Variants in TTC23 observed in about 807,000 individuals in gnomAD.
The protein encoded by TTC23 is tetratricopeptide repeat protein 23.
Under a neutral mutation model 55.1 loss-of-function variants are expected in TTC23, and 58 were observed. The observed-to-expected ratio is 1.05, with a 90% CI of 0.85 to 1.31. TTC23 has a LOEUF of 1.31. Among genes scored for constraint, TTC23 ranks in the 50% most tolerant of loss-of-function variants. TTC23 has a pLI of 0.00. For missense variants in TTC23, 516 were observed against 534.4 expected (o/e 0.97, Z 0.34); for synonymous variants, 203 against 199.9 (o/e 1.02, Z -0.13).
intron 9 of TTC23, among the ~76,000 whole-genome samples, chr15:99,191,479 C>T (rs1419111280): frequency 1.3e-5 from 2 of 152,166 alleles, no homozygotes; most frequent in African/African-American, 2.4e-5. Context: ...CTGTGTCTTT[C>T]CCTGCTGTTC....
rs1284741328 is a variant in TTC23 at position 99,175,078 on chromosome 15, A to C, written c.837T>G (p.Ala279=). The C allele has an allele frequency of 1.2e-6, 2 of 1,614,206 alleles. No individual in the cohort carries two copies. The highest frequency in any genetic ancestry group is 2.2e-5 in the South Asian group (2 of 91,082). ...ADSAHIVAHA[A]VASGRHEHHD... ...GGTGCTCGTGTCTCCCTGAAGCGACAGCAGCATGGGCGACGATGTGTGCCG... is the reference window on the plus strand; with the variant it reads ...GGTGCTCGTGTCTCCCTGAAGCGACCGCAGCATGGGCGACGATGTGTGCCG... Residue 279 remains alanine (A), a synonymous_variant, in exon 10 of 14, where the codon GCT becomes GCG. Coordinates refer to ENST00000394132, the MANE Select transcript of TTC23 (RefSeq NM_001288615.3).
intron 8 of TTC23, among the ~76,000 whole-genome samples, chr15:99,203,909 T>C (rs73463384): frequency 0.011 from 1,715 of 152,264 alleles, 43 homozygotes; most frequent in African/African-American, 0.039. Flanking sequence ...TTGACACTTA[T>C]GTTGAGTCCT....
At chr15:99,218,473 C>A in intron 8 of TTC23, 115 bp downstream of exon 8, 2 of 1,367,566 alleles carry the variant, frequency 1.5e-6, no homozygotes, top group Non-Finnish European at 2.0e-6. Flanking sequence ...ACACAGTGAC[C>A]TCCAGAGAAG....
At chr15:99,248,840 G>A (rs1246925095) in intron 1 of TTC23, among the ~76,000 whole-genome samples, 1 of 151,970 alleles carries the variant, frequency 6.6e-6, no homozygotes, top group Non-Finnish European at 1.5e-5. Context: ...ATGATTGCTG[G>A]ATTTTTTTGA....
chr15:99,231,061 A>G (rs2078892464), intron 4 of TTC23, among the ~76,000 whole-genome samples: 1 of 152,238 alleles, frequency 6.6e-6, no homozygotes, highest in Non-Finnish European at 1.5e-5. Context: ...GTAGTGATAC[A>G]GTAGCTGTCG....
chr15:99,250,449 G>A (rs889804762), upstream of TTC23, among the ~76,000 whole-genome samples: 7 of 152,126 alleles, frequency 4.6e-5, no homozygotes, highest in African/African-American at 1.4e-4. Context: ...AAAGTTCCTT[G>A]ACAAGGAGCC....
In TTC23 at chr15:99,175,085, T is replaced by C. The variant is rs1158300217; in HGVS notation, c.830A>G (p.His277Arg). The C allele has an allele frequency of 1.2e-6, 2 of 1,614,048 alleles. No individual in the cohort carries two copies. The highest frequency in any genetic ancestry group is 1.7e-6 in the Non-Finnish European group (2 of 1,180,040). Residue 277 changes from histidine to arginine, a missense_variant, in exon 10 of 14, where the codon CAT becomes CGT. By Grantham distance (29) the His-to-Arg change is conservative. Coordinates refer to ENST00000394132, the MANE Select transcript of TTC23 (RefSeq NM_001288615.3). ...GTGTCTCCCTGAAGCGACAGCAGCA[T>C]GGGCGACGATGTGTGCCGAGTCTGC... ...EAADSAHIVA[H>R]AAVASGRHEH...
intron 11 of TTC23, chr15:99,161,195 C>T (rs931431189): frequency 6.6e-6 from 1 of 152,286 alleles, no homozygotes; most frequent in Non-Finnish European, 1.5e-5. Flanking sequence ...TATGTACACA[C>T]ACACACATAT....
chr15:99,208,690 T>A (rs965606108), intron 8 of TTC23, among the ~76,000 whole-genome samples: 1 of 151,418 alleles, frequency 6.6e-6, no homozygotes, highest in African/African-American at 2.4e-5. Context: ...ACTATTCACA[T>A]AAAAGAAAAG....
At chr15:99,151,470 C>T (rs2006670) in intron 12 of TTC23, 11,524 of 152,340 alleles carry the variant, frequency 0.076, 678 homozygotes, top group East Asian at 0.28. Context: ...GAAGACATTG[C>T]CATGAGAGAT....
chr15:99,164,893 G>A (rs542558301), intron 10 of TTC23, among the ~76,000 whole-genome samples: 1 of 152,320 alleles, frequency 6.6e-6, no homozygotes, highest in East Asian at 1.9e-4. Flanking sequence ...ATGGGAAAGA[G>A]AGCAGGCTCT....
intron 12 of TTC23, among the ~76,000 whole-genome samples, chr15:99,150,038 G>A (rs895068940): frequency 6.6e-6 from 1 of 152,214 alleles, no homozygotes. Context: ...GGATAAGTGA[G>A]GAGGGGGAAG....
intron 10 of TTC23, among the ~76,000 whole-genome samples, chr15:99,170,401 C>T (rs2072752968): frequency 6.6e-6 from 1 of 152,262 alleles, no homozygotes; most frequent in East Asian, 1.9e-4. Flanking sequence ...TAATTATTTT[C>T]TTCAAAAATC....
In TTC23 at chr15:99,187,452, C is replaced by CAAAAAAAAAAAAAAAAAAAAAA. The variant is rs66568931; in HGVS notation, c.760-12298_760-12297insTTTTTTTTTTTTTTTTTTTTTT. ...GGAGATGTGATGCCAAAAGCACAAG[C>CAAAAAAAAAAAAAAAAAAAAAA]AAAAAAAAAAAAAAAACAAAACAAA... On this transcript the variant is annotated intron_variant, in intron 9 of 13. Transcript: ENST00000394132. Among the ~76,000 whole-genome samples, 58 of 44,432 alleles carry CAAAAAAAAAAAAAAAAAAAAAA rather than the reference C, an allele frequency of 1.3e-3. 5 individuals carry two copies. The highest frequency in any genetic ancestry group is 1.8e-3 in the African/African-American group (18 of 10,174). The allele number at this position is 44,432 out of a possible 152,430, so 29.1% of individuals were successfully genotyped here. A position where few individuals can be genotyped will look rare whatever the true frequency, so the allele number is the denominator to read the frequency against.
At chr15:99,247,707 T>C (rs1482440432) in intron 1 of TTC23, among the ~76,000 whole-genome samples, 1 of 152,160 alleles carries the variant, frequency 6.6e-6, no homozygotes, top group African/African-American at 2.4e-5. Flanking sequence ...AAACCAGGAC[T>C]TGCCTGCAAA....
In TTC23 at chr15:99,218,886, G is replaced by A; in HGVS notation, c.455+12C>T. 3.1e-6 allele frequency: 5 copies of A among 1,609,098 alleles called. No homozygotes were observed. Among genetic ancestry groups the A allele is most frequent in the Non-Finnish European group, 4.2e-6 (5 of 1,177,492 alleles). On this transcript the variant is annotated intron_variant, in intron 7 of 13. Coordinates refer to ENST00000394132, the MANE Select transcript of TTC23 (RefSeq NM_001288615.3). ...GTATTTCTATTTGTAAAAGTTAGAG[G>A]CAAAAGGATACTTTTGAAGGGAGAG...
chr15:99,181,581 CT>C (rs1338888484), intron 9 of TTC23, among the ~76,000 whole-genome samples: 1 of 152,150 alleles, frequency 6.6e-6, no homozygotes, highest in Non-Finnish European at 1.5e-5. Context: ...CATAGCTTGC[CT>C]TTTCACCCTG....
chr15:99,209,808 C>G (rs1184389465), intron 8 of TTC23, among the ~76,000 whole-genome samples: 1 of 152,174 alleles, frequency 6.6e-6, no homozygotes, highest in Non-Finnish European at 1.5e-5. Flanking sequence ...GATCTTTGCT[C>G]ACTGCAACCT....
intron 3 of TTC23, among the ~76,000 whole-genome samples, chr15:99,239,389 G>A (rs1466986600): frequency 2.6e-5 from 4 of 152,174 alleles, no homozygotes; most frequent in Admixed American, 2.0e-4. Flanking sequence ...GGAGGCTGAG[G>A]CAGGAGAATC....
Sources: allele counts gnomAD v4.1 joint callset (sites outside exome capture counted in the v4.1 genomes callset), GRCh38; gene constraint gnomAD v4.1.1; transcripts MANE v1.5; gene names NCBI Gene and HGNC (gene_info 2026-07-23, HGNC 2026-07-21).